The following ROBO1 variants were observed in gnomAD, a reference collection of about 807,000 sequenced individuals.
ROBO1 encodes roundabout homolog 1.
In ROBO1, 149 loss-of-function variants were observed where a neutral mutation model predicts 195.9. The ratio of observed to expected loss-of-function variants is 0.76; its 90% confidence interval spans 0.67 to 0.87. The LOEUF is 0.87. Ranked by LOEUF, ROBO1 falls within the 40% of genes least tolerant of loss-of-function variation. The probability of loss-of-function intolerance (pLI) is 0.00; values close to 1 mark genes in which losing one functional copy is unlikely to be tolerated. For synonymous variants in ROBO1, 816 were observed against 733.2 expected (o/e 1.11, Z -1.82); for missense variants, 1,933 against 2,068.3 (o/e 0.93, Z 1.27).
At chr3:79,334,593 C>T (rs186065663) in intron 2 of ROBO1, among the ~76,000 whole-genome samples, 1 of 151,894 alleles carries the variant, frequency 6.6e-6, no homozygotes, top group African/African-American at 2.4e-5. Flanking sequence ...ACAGTGAAGA[C>T]ATGAATATGT....
At position 78,954,450 on chromosome 3, in the gene ROBO1, C is replaced by T. The variant is rs181648388; in HGVS notation, c.173-15523G>A. ...TAATTGTGCATCCGTAACACTCATT[C>T]TAATGGACCAAAACATTTAGGTCTG... On this transcript the variant is annotated intron_variant, in intron 3 of 30. Coordinates refer to ENST00000464233, the MANE Select transcript of ROBO1 (RefSeq NM_002941.4). Among the ~76,000 whole-genome samples the T allele has an allele frequency of 1.7e-3, 265 of 152,090 alleles. 4 individuals carry two copies. The highest frequency in any genetic ancestry group is 5.0e-3 in the African/African-American group (208 of 41,536).
At chr3:79,247,321 T>A (rs78417301) in intron 2 of ROBO1, among the ~76,000 whole-genome samples, 2,455 of 149,716 alleles carry the variant, frequency 0.016, 59 homozygotes, top group African/African-American at 0.055. Context: ...TACTACTGTC[T>A]TAACTGTCAG....
chr3:79,065,731 T>C (rs2078993043), intron 3 of ROBO1, among the ~76,000 whole-genome samples: 1 of 151,936 alleles, frequency 6.6e-6, no homozygotes, highest in Non-Finnish European at 1.5e-5. Context: ...GTCTAGTTAG[T>C]TCCCCTCTGA....
At chr3:79,125,296 A>T (rs540208124) in intron 3 of ROBO1, among the ~76,000 whole-genome samples, 160 bp downstream of exon 3, 1 of 152,314 alleles carries the variant, frequency 6.6e-6, no homozygotes, top group African/African-American at 2.4e-5. Context: ...TACTTTAGCA[A>T]TATGATCTGA....
chr3:79,752,487 TA>T (rs1469095139), intron 1 of ROBO1, among the ~76,000 whole-genome samples: 3 of 152,084 alleles, frequency 2.0e-5, no homozygotes, highest in African/African-American at 7.2e-5. Context: ...TGGGAGCTTA[TA>T]GAAAGGGCTT....
At chr3:78,783,318 G>C (rs2108492325) in intron 4 of ROBO1, among the ~76,000 whole-genome samples, 1 of 152,164 alleles carries the variant, frequency 6.6e-6, no homozygotes, top group Non-Finnish European at 1.5e-5. Flanking sequence ...AAGTCAATCA[G>C]TGTTGCTTGT....
intron 2 of ROBO1, among the ~76,000 whole-genome samples, chr3:79,405,361 T>C (rs2037508051): frequency 6.6e-6 from 1 of 152,160 alleles, no homozygotes. Flanking sequence ...TCAGTGACAA[T>C]TGTATGTTAT....
intron 2 of ROBO1, among the ~76,000 whole-genome samples, chr3:79,251,131 A>C (rs1399829348): frequency 1.3e-5 from 2 of 152,208 alleles, no homozygotes; most frequent in East Asian, 3.8e-4. Flanking sequence ...GAATATGTAT[A>C]CCAAAAGTGA....
intron 2 of ROBO1, among the ~76,000 whole-genome samples, chr3:79,529,933 C>A (rs1254846353): frequency 6.6e-6 from 1 of 152,104 alleles, no homozygotes. Flanking sequence ...GCACCTGTTT[C>A]TTTGTATTCA....
rs1413233624 is a variant in ROBO1, at chr3:79,457,308, A to G, written c.88+132516T>C. On this transcript the variant is annotated intron_variant, in intron 2 of 30. Transcript: ENST00000464233. Reference sequence around the variant, plus strand: ...TAATCTGTTTTACCATACTGTTATTAGTTATAAATGTTGCTTTCATGTAAT... The same window carrying G: ...TAATCTGTTTTACCATACTGTTATTGGTTATAAATGTTGCTTTCATGTAAT... Among the ~76,000 whole-genome samples the G allele has an allele frequency of 2.0e-5, 3 of 152,152 alleles. No individual in the cohort carries two copies. The East Asian group carries it at 5.8e-4, about 29-fold the overall frequency.
chr3:79,376,165 TTCAACCCATTGGAAATC>T (rs1490467486), intron 2 of ROBO1, among the ~76,000 whole-genome samples: 1 of 152,194 alleles, frequency 6.6e-6, no homozygotes, highest in Non-Finnish European at 1.5e-5. Context: ...TTTTGAGCCA[TTCAACCCATTGGAAATC>T]ATGTGAAAAT....
intron 1 of ROBO1, among the ~76,000 whole-genome samples, chr3:79,699,544 C>T (rs1008626920): frequency 6.6e-6 from 1 of 151,650 alleles, no homozygotes; most frequent in African/African-American, 2.4e-5. Context: ...ACAGTCTCTT[C>T]CAAAGGCACA....
At chr3:79,292,344 T>A (rs1459085234) in intron 2 of ROBO1, among the ~76,000 whole-genome samples, 1 of 152,228 alleles carries the variant, frequency 6.6e-6, no homozygotes, top group Non-Finnish European at 1.5e-5. Flanking sequence ...TGACTTCTTC[T>A]CTTCCTATTT....
chr3:79,743,413 G>A (rs1173804773), intron 1 of ROBO1, among the ~76,000 whole-genome samples: 1 of 152,150 alleles, frequency 6.6e-6, no homozygotes, highest in Admixed American at 6.6e-5. Flanking sequence ...ACCATGAATG[G>A]AGTTACAAGA....
intron 1 of ROBO1, among the ~76,000 whole-genome samples, chr3:79,617,198 T>C (rs1357215270): frequency 6.6e-6 from 1 of 152,116 alleles, no homozygotes. Context: ...ACCATCCCAG[T>C]CATAGTATGT....
At chr3:79,589,502 T>C (rs763602606) in intron 2 of ROBO1, among the ~76,000 whole-genome samples, 5 of 151,768 alleles carry the variant, frequency 3.3e-5, no homozygotes, top group Non-Finnish European at 5.9e-5. Flanking sequence ...CCTTTGTGTG[T>C]TACACACCTT....
At chr3:78,904,497 A>G (rs1357458572) in intron 4 of ROBO1, among the ~76,000 whole-genome samples, 1 of 151,958 alleles carries the variant, frequency 6.6e-6, no homozygotes, top group African/African-American at 2.4e-5. Context: ...AAATTCCCAA[A>G]CGTCAATATG....
chr3:78,911,801 TAAC>T (rs748696829), intron 4 of ROBO1, among the ~76,000 whole-genome samples: 13 of 152,180 alleles, frequency 8.5e-5, no homozygotes, highest in African/African-American at 2.6e-4. Context: ...ACACAGAATC[TAAC>T]AACATTTCAT....
At chr3:78,880,083 T>G (rs979367097) in intron 4 of ROBO1, among the ~76,000 whole-genome samples, 6 of 152,190 alleles carry the variant, frequency 3.9e-5, no homozygotes, top group African/African-American at 7.2e-5. Flanking sequence ...GGTCTATTTA[T>G]TCTAGAAGCT....
Sources: allele counts gnomAD v4.1 joint callset (sites outside exome capture counted in the v4.1 genomes callset), GRCh38; gene constraint gnomAD v4.1.1; transcripts MANE v1.5; gene names NCBI Gene and HGNC (gene_info 2026-07-23, HGNC 2026-07-21).